Variants in DENND1A observed in about 807,000 individuals in gnomAD.
DENND1A encodes DENN domain-containing protein 1A.
DENND1A carries 51 observed loss-of-function variants against 113.7 expected under a neutral mutation model. That is an observed-to-expected ratio of 0.45 (90% CI 0.36 to 0.57). The LOEUF (loss-of-function observed/expected upper bound fraction) is 0.57. Ranked by LOEUF, DENND1A falls within the 20% of genes least tolerant of loss-of-function variation. The pLI is 0.00. For missense variants in DENND1A, 1,258 were observed against 1,395.9 expected (o/e 0.90, Z 1.57); for synonymous variants, 565 against 570.8 (o/e 0.99, Z 0.14).
At chr9:123,522,631 T>G (rs1224471660) in intron 13 of DENND1A, among the ~76,000 whole-genome samples, 1 of 152,214 alleles carries the variant, frequency 6.6e-6, no homozygotes, top group Non-Finnish European at 1.5e-5. Flanking sequence ...CACACCAAAG[T>G]GGGTGACCAG....
chr9:123,444,482 C>T (rs1451547948), intron 18 of DENND1A, among the ~76,000 whole-genome samples: 3 of 152,064 alleles, frequency 2.0e-5, no homozygotes, highest in East Asian at 1.9e-4. Context: ...GGTGAAACCC[C>T]GTCTCTACCA....
At chr9:123,554,063 T>G (rs542041175) in intron 13 of DENND1A, among the ~76,000 whole-genome samples, 1 of 152,278 alleles carries the variant, frequency 6.6e-6, no homozygotes, top group Non-Finnish European at 1.5e-5. Flanking sequence ...AGGTGCTATT[T>G]TTATAACCAG....
chr9:123,837,523 C>G (rs1056838097), intron 2 of DENND1A, among the ~76,000 whole-genome samples: 2 of 152,070 alleles, frequency 1.3e-5, no homozygotes, highest in Non-Finnish European at 1.5e-5. Flanking sequence ...TACTGTTCAA[C>G]CAGATACTAC....
At chr9:123,924,142 T>A (rs1040469402) in intron 1 of DENND1A, among the ~76,000 whole-genome samples, 26 of 152,200 alleles carry the variant, frequency 1.7e-4, no homozygotes, top group Non-Finnish European at 3.1e-4. Context: ...CTTGAAATCA[T>A]TAAGTGAAAG....
chr9:123,429,432 C>T (rs911488362), intron 19 of DENND1A, among the ~76,000 whole-genome samples: 2 of 152,066 alleles, frequency 1.3e-5, no homozygotes, highest in African/African-American at 2.4e-5. Context: ...TGGCACACAC[C>T]TATAATCCGA....
At chr9:123,460,662 G>T (rs1588642725) in intron 13 of DENND1A, among the ~76,000 whole-genome samples, 2 of 152,062 alleles carry the variant, frequency 1.3e-5, no homozygotes, top group Non-Finnish European at 2.9e-5. Context: ...GCTCACCCCC[G>T]GCTCTCCATC....
intron 8 of DENND1A, among the ~76,000 whole-genome samples, chr9:123,661,207 A>G (rs1564904017): frequency 6.6e-6 from 1 of 152,216 alleles, no homozygotes. Flanking sequence ...AATAGGAGTA[A>G]TTCAATCCCA....
chr9:123,843,338 G>T, intron 2 of DENND1A: 1 of 356,384 alleles, frequency 2.8e-6, no homozygotes, highest in Non-Finnish European at 5.6e-6. Context: ...TGTTCTATAT[G>T]GAGCTAAAAG....
chr9:123,860,961 T>C (rs1844974976), intron 2 of DENND1A, among the ~76,000 whole-genome samples: 1 of 152,242 alleles, frequency 6.6e-6, no homozygotes. Flanking sequence ...GCAATTAATT[T>C]ATGAAGCCAT....
At chr9:123,768,765 T>C (rs1421143540) in intron 4 of DENND1A, among the ~76,000 whole-genome samples, 1 of 150,800 alleles carries the variant, frequency 6.6e-6, no homozygotes, top group Admixed American at 6.6e-5. Context: ...ATTGTTATTT[T>C]ATTAATATAG....
At chr9:123,472,895 G>A (rs1241735693) in intron 13 of DENND1A, among the ~76,000 whole-genome samples, 1 of 152,094 alleles carries the variant, frequency 6.6e-6, no homozygotes, top group East Asian at 1.9e-4. Flanking sequence ...AGGCTGGGGA[G>A]TCCCCCTTGC....
chr9:123,880,478 A>G (rs1377782448), intron 1 of DENND1A, among the ~76,000 whole-genome samples: 4 of 152,242 alleles, frequency 2.6e-5, no homozygotes, highest in Admixed American at 2.6e-4. Flanking sequence ...GTACTTTCAA[A>G]TATCTGTAAC....
chr9:123,382,732 T>G, intron 23 of DENND1A, 107 bp from the exon 24 acceptor site: 2 of 1,219,382 alleles, frequency 1.6e-6, no homozygotes, highest in South Asian at 1.4e-5. Flanking sequence ...GGCCTAGTTG[T>G]GTGGCTGATC....
At chr9:123,396,965 A>T (rs905624737) in intron 21 of DENND1A, among the ~76,000 whole-genome samples, 1 of 152,208 alleles carries the variant, frequency 6.6e-6, no homozygotes, top group Admixed American at 6.5e-5. Context: ...TTAACAAGGC[A>T]TGTTTGAGGC....
chr9:123,892,149 T>C (rs1449399285), intron 1 of DENND1A, among the ~76,000 whole-genome samples: 3 of 152,150 alleles, frequency 2.0e-5, no homozygotes, highest in African/African-American at 7.2e-5. Flanking sequence ...TGTGAGGAAA[T>C]AACTTAAGCC....
intron 13 of DENND1A, among the ~76,000 whole-genome samples, chr9:123,527,636 G>A (rs535220207): frequency 1.6e-4 from 24 of 152,084 alleles, no homozygotes; most frequent in Admixed American, 1.2e-3. Context: ...TGGATCTCCC[G>A]CACCCATCTG....
At chr9:123,394,262 C>T (rs942164530) in intron 21 of DENND1A, among the ~76,000 whole-genome samples, 18 of 152,116 alleles carry the variant, frequency 1.2e-4, no homozygotes, top group African/African-American at 3.4e-4. Flanking sequence ...CCTCCCAAAG[C>T]GCCTGGCCAG....
intron 3 of DENND1A, among the ~76,000 whole-genome samples, chr9:123,785,224 G>GT (rs1338809262): frequency 1.3e-5 from 2 of 151,958 alleles, no homozygotes; most frequent in Admixed American, 1.3e-4. Context: ...TACACACCCC[G>GT]AAGTCCCAGC....
intron 8 of DENND1A, among the ~76,000 whole-genome samples, chr9:123,658,800 G>A (rs2063091363): frequency 6.6e-6 from 1 of 152,154 alleles, no homozygotes; most frequent in Admixed American, 6.5e-5. Context: ...ACTGATCCCT[G>A]TCCTTAGAGA....
Sources: allele counts gnomAD v4.1 joint callset (sites outside exome capture counted in the v4.1 genomes callset), GRCh38; gene constraint gnomAD v4.1.1; transcripts MANE v1.5; gene names NCBI Gene and HGNC (gene_info 2026-07-23, HGNC 2026-07-21).